Variants in GRM5 observed in about 807,000 individuals in gnomAD.
GRM5 encodes the protein glutamate metabotropic receptor 5.
GRM5 carries 19 observed loss-of-function variants against 83.1 expected under a neutral mutation model. The ratio of observed to expected loss-of-function variants is 0.23; its 90% CI spans 0.16 to 0.34. The LOEUF (loss-of-function observed/expected upper bound fraction) is 0.34, where lower values mean the gene tolerates loss of function less well. GRM5 is among the 10% of genes least tolerant of loss of function. GRM5 has a pLI of 1.00. For synonymous variants in GRM5, 675 were observed against 633.6 expected, an observed-to-expected ratio of 1.07 and a Z score of -0.98; for missense variants, 1,160 against 1,588.3, an observed-to-expected ratio of 0.73 and a Z score of 4.58.
intron 2 of GRM5, among the ~76,000 whole-genome samples, chr11:88,867,015 T>C (rs1647348109): frequency 6.6e-6 from 1 of 151,746 alleles, no homozygotes; most frequent in Admixed American, 6.6e-5. Flanking sequence ...CAGGTGGTTG[T>C]AGGTTTGTGG....
chr11:88,754,004 C>T (rs1477432801), intron 3 of GRM5, among the ~76,000 whole-genome samples: 1 of 152,028 alleles, frequency 6.6e-6, no homozygotes, highest in South Asian at 2.1e-4. Flanking sequence ...CCTGCTGGGT[C>T]CCTCCCACAA....
chr11:88,514,869 T>C (rs1941480657), intron 9 of GRM5, among the ~76,000 whole-genome samples: 1 of 152,148 alleles, frequency 6.6e-6, no homozygotes, highest in Admixed American at 6.5e-5. Context: ...GAAAGGAAAC[T>C]AATTCTACAT....
intron 8 of GRM5, among the ~76,000 whole-genome samples, chr11:88,528,000 G>T (rs984422260): frequency 6.6e-6 from 1 of 151,912 alleles, no homozygotes; most frequent in Non-Finnish European, 1.5e-5. Flanking sequence ...TATTACCTGG[G>T]TGATGAAATA....
chr11:88,757,187 A>G (rs1294547376), intron 3 of GRM5, among the ~76,000 whole-genome samples: 1 of 152,186 alleles, frequency 6.6e-6, no homozygotes, highest in Non-Finnish European at 1.5e-5. Flanking sequence ...TGAGAATTCC[A>G]TATCTGGCAA....
chr11:88,805,755 T>C (rs1215807655), intron 3 of GRM5, among the ~76,000 whole-genome samples: 1 of 152,200 alleles, frequency 6.6e-6, no homozygotes, highest in East Asian at 1.9e-4. Context: ...TAGCACATAA[T>C]ATATACTCAA....
chr11:88,537,886 G>T (rs1030397897), intron 8 of GRM5, among the ~76,000 whole-genome samples: 1 of 152,168 alleles, frequency 6.6e-6, no homozygotes, highest in African/African-American at 2.4e-5. Flanking sequence ...AATGATTTGA[G>T]AAATTGCCAG....
chr11:88,976,690 CAATAA>C lies in GRM5; in HGVS notation c.661+70517_661+70521del, dbSNP rs1275635805. Among the ~76,000 whole-genome samples, 5 of 152,174 alleles carry C rather than the reference CAATAA, an allele frequency of 3.3e-5. No homozygotes were observed. The East Asian group carries it at 9.7e-4, about 29-fold the overall frequency. On this transcript the variant is annotated intron_variant, in intron 2 of 9. Coordinates refer to ENST00000305447, the MANE Select transcript of GRM5 (RefSeq NM_001143831.3). ...CTCTATTATATACAGAAGCAACACT[CAATAA>C]TTGTTTGCTGAATTGAGCATCCAGA...
chr11:88,679,766 T>C (rs929917171), intron 3 of GRM5, among the ~76,000 whole-genome samples: 2 of 152,168 alleles, frequency 1.3e-5, no homozygotes, highest in African/African-American at 4.8e-5. Context: ...TCTGTTGCTG[T>C]CACTTAGCTT....
chr11:88,773,077 G>T (rs1591504828), intron 3 of GRM5, among the ~76,000 whole-genome samples: 1 of 152,124 alleles, frequency 6.6e-6, no homozygotes. Context: ...CAGTGTAAAA[G>T]CATTCCTATT....
chr11:88,848,810 T>G (rs1197932763), intron 3 of GRM5, among the ~76,000 whole-genome samples: 1 of 152,178 alleles, frequency 6.6e-6, no homozygotes, highest in Non-Finnish European at 1.5e-5. Flanking sequence ...TGGATGAAAT[T>G]AACATTTGAA....
At chr11:88,658,797 A>G (rs1173361716) in intron 3 of GRM5, among the ~76,000 whole-genome samples, 1 of 152,194 alleles carries the variant, frequency 6.6e-6, no homozygotes, top group Admixed American at 6.5e-5. Context: ...CATTGCAGCT[A>G]TGTAGGGTGC....
At chr11:88,746,586 A>G (rs971230926) in intron 3 of GRM5, among the ~76,000 whole-genome samples, 2 of 151,738 alleles carry the variant, frequency 1.3e-5, no homozygotes, top group Non-Finnish European at 2.9e-5. Context: ...AAAAAAAATA[A>G]GCTTAAGCCA....
At chr11:88,752,419 A>G (rs1055691075) in intron 3 of GRM5, among the ~76,000 whole-genome samples, 2 of 152,230 alleles carry the variant, frequency 1.3e-5, no homozygotes, top group African/African-American at 4.8e-5. Context: ...CTCTTCAAGG[A>G]GAACTACAAA....
At chr11:88,785,089 T>A (rs1334483929) in intron 3 of GRM5, among the ~76,000 whole-genome samples, 1 of 152,000 alleles carries the variant, frequency 6.6e-6, no homozygotes, top group Non-Finnish European at 1.5e-5. Context: ...TAAACAGACC[T>A]CTTAAAGTAT....
chr11:88,720,387 T>C (rs954871410), intron 3 of GRM5, among the ~76,000 whole-genome samples: 2 of 152,024 alleles, frequency 1.3e-5, no homozygotes, highest in African/African-American at 4.8e-5. Flanking sequence ...GTAAGCATCA[T>C]TTTATTACAT....
chr11:88,816,561 A>G (rs1282175346), intron 3 of GRM5, among the ~76,000 whole-genome samples: 1 of 143,646 alleles, frequency 7.0e-6, no homozygotes, highest in Non-Finnish European at 1.5e-5. Context: ...AAAAGAAAAG[A>G]AAAGAAAAAG....
chr11:88,595,585 C>A (rs1477385345), intron 6 of GRM5, among the ~76,000 whole-genome samples: 1 of 152,200 alleles, frequency 6.6e-6, no homozygotes, highest in African/African-American at 2.4e-5. Context: ...GGATTTCATT[C>A]TTTGTTATGG....
intron 3 of GRM5, among the ~76,000 whole-genome samples, chr11:88,739,094 C>T (rs1368934454): frequency 6.6e-6 from 1 of 152,032 alleles, no homozygotes; most frequent in Non-Finnish European, 1.5e-5. Flanking sequence ...TTTACATTGT[C>T]ATTTTATATC....
intron 2 of GRM5, among the ~76,000 whole-genome samples, chr11:89,007,169 T>C (rs1940554314): frequency 6.6e-6 from 1 of 152,194 alleles, no homozygotes; most frequent in East Asian, 1.9e-4. Context: ...GCCCCTATCA[T>C]AGGATCTCCC....
Sources: allele counts gnomAD v4.1 joint callset (sites outside exome capture counted in the v4.1 genomes callset), GRCh38; gene constraint gnomAD v4.1.1; transcripts MANE v1.5; gene names NCBI Gene and HGNC (gene_info 2026-07-23, HGNC 2026-07-21).